SORCS1: variants seen among roughly 807,000 people sequenced by gnomAD.
SORCS1 encodes the protein sortilin related VPS10 domain containing receptor 1.
In SORCS1, 60 loss-of-function variants were observed where a neutral mutation model predicts 146.1. The ratio of observed to expected loss-of-function variants is 0.41; its 90% CI spans 0.33 to 0.51. The LOEUF is 0.51. SORCS1 is among the 20% of genes least tolerant of loss of function. SORCS1 has a pLI of 0.21. For synonymous variants in SORCS1, 637 were observed against 584.0 expected, an observed-to-expected ratio of 1.09 and a Z score of -1.31; for missense variants, 1,352 against 1,487.6, an observed-to-expected ratio of 0.91 and a Z score of 1.50.
chr10:106,844,455 A>G (rs903937705), intron 2 of SORCS1, among the ~76,000 whole-genome samples: 1 of 151,926 alleles, frequency 6.6e-6, no homozygotes, highest in African/African-American at 2.4e-5. Context: ...CTTATGTTTA[A>G]GTTTTTACTC....
At chr10:107,181,028 ATAT>A in the SORCS1 span, among the ~76,000 whole-genome samples, 1 of 152,334 alleles carries the variant, frequency 6.6e-6, no homozygotes, top group South Asian at 2.1e-4. Context: ...ACTGTATAAA[ATAT>A]TATAAAATAG....
At chr10:107,139,316 T>A (rs1590220977) in intron 1 of SORCS1, among the ~76,000 whole-genome samples, 3 of 152,230 alleles carry the variant, frequency 2.0e-5, no homozygotes, top group African/African-American at 2.4e-5. Flanking sequence ...CATGTTGATA[T>A]AAGATTGGCT....
intron 2 of SORCS1, among the ~76,000 whole-genome samples, chr10:106,931,800 C>T (rs912453744): frequency 7.2e-5 from 11 of 152,112 alleles, no homozygotes; most frequent in Admixed American, 3.3e-4. Context: ...TTCATTTTTC[C>T]TGCCTGCCAT....
intron 3 of SORCS1, among the ~76,000 whole-genome samples, chr10:106,794,854 G>T (rs1004632945): frequency 6.6e-6 from 1 of 152,064 alleles, no homozygotes; most frequent in Non-Finnish European, 1.5e-5. Context: ...AGACTCCCTA[G>T]TCACTCCATT....
intron 1 of SORCS1, among the ~76,000 whole-genome samples, chr10:107,117,792 T>C (rs376124135): frequency 6.6e-6 from 1 of 152,148 alleles, no homozygotes; most frequent in African/African-American, 2.4e-5. Context: ...TGGAAGCACA[T>C]AATATGTTTT....
chr10:107,167,501 G>A (rs575970671), upstream of SORCS1, among the ~76,000 whole-genome samples: 69 of 152,190 alleles, frequency 4.5e-4, no homozygotes, highest in Non-Finnish European at 8.7e-4. Context: ...CTTCATCTAA[G>A]TTATCATCAT....
intron 4 of SORCS1, among the ~76,000 whole-genome samples, chr10:106,768,103 C>T (rs904192339): frequency 1.3e-5 from 2 of 152,160 alleles, no homozygotes; most frequent in African/African-American, 4.8e-5. Context: ...TCCTTGTTTG[C>T]ATATGATGGC....
chr10:106,665,775 C>T lies in SORCS1; in HGVS notation c.2303+1914G>A, dbSNP rs141719068. ...CACCTATGATGGGTAACTTAATATG[C>T]GAACTTGACTGCGCCATAGTATGCC... is the stretch of plus-strand genomic sequence containing the variant. On this transcript the variant is annotated intron_variant, in intron 17 of 25. Coordinates refer to ENST00000263054, the MANE Select transcript of SORCS1 (RefSeq NM_052918.5). Among the ~76,000 whole-genome samples the T allele has an allele frequency of 6.7e-4, 102 of 152,138 alleles. 1 individual carries two copies. Among genetic ancestry groups the T allele is most frequent in the African/African-American group, 2.1e-3 (86 of 41,496 alleles).
At chr10:107,024,390 C>T (rs891032205) in intron 1 of SORCS1, among the ~76,000 whole-genome samples, 2 of 152,006 alleles carry the variant, frequency 1.3e-5, no homozygotes, top group African/African-American at 2.4e-5. Flanking sequence ...ACAACCAGCT[C>T]TCATGGAAAC....
At position 107,158,876 on chromosome 10, in the gene SORCS1, A is replaced by G. The variant is rs1331669022; in HGVS notation, c.558+5093T>C. 2.6e-5 allele frequency among the ~76,000 whole-genome samples: 4 copies of G among 152,134 alleles called. No homozygotes were observed. In the East Asian group the frequency reaches 7.7e-4, roughly 29 times the overall value. ...TGTATCTGCTTTTTTGCCCTATCCT[A>G]TGAACTTCTAAGGTCTCTCTTTAAA... On this transcript the variant is annotated intron_variant, in intron 1 of 25. Coordinates refer to ENST00000263054, the MANE Select transcript of SORCS1 (RefSeq NM_052918.5).
At chr10:106,825,803 C>T (rs1948277881) in intron 3 of SORCS1, among the ~76,000 whole-genome samples, 1 of 152,168 alleles carries the variant, frequency 6.6e-6, no homozygotes, top group African/African-American at 2.4e-5. Flanking sequence ...TCTCCTCTGG[C>T]ACTGGGACCA....
At chr10:107,047,915 T>TA (rs550354714) in intron 1 of SORCS1, among the ~76,000 whole-genome samples, 11 of 148,256 alleles carry the variant, frequency 7.4e-5, no homozygotes, top group South Asian at 2.1e-4. Flanking sequence ...ACCCTGTCTC[T>TA]AAAAAAAAAA....
At position 107,060,847 on chromosome 10, in the gene SORCS1, T is replaced by A. The variant is rs1247452561; in HGVS notation, c.558+103122A>T. Among the ~76,000 whole-genome samples, 2 of 152,218 alleles carry A rather than the reference T, an allele frequency of 1.3e-5. No individual in the cohort carries two copies. Among genetic ancestry groups the A allele is most frequent in the East Asian group, 3.8e-4 (2 of 5,198 alleles). On this transcript the variant is annotated intron_variant, in intron 1 of 25. Coordinates refer to ENST00000263054, the MANE Select transcript of SORCS1 (RefSeq NM_052918.5). This position sits in a 1 kb window ranked among gnomAD's most constrained non-coding sequence, Gnocchi z 4.1. ...GAGCTTTAAAAAATCATATTTTAGT[T>A]AATTTTATTGAATCACAAGCCTCTA...
At chr10:106,862,295 G>A (rs1465045351) in intron 2 of SORCS1, among the ~76,000 whole-genome samples, 2 of 152,118 alleles carry the variant, frequency 1.3e-5, no homozygotes, top group African/African-American at 4.8e-5. Context: ...CATCCTGTCT[G>A]TTTTCTACTT....
chr10:106,583,952 G>A (rs1234247962), intron 24 of SORCS1, among the ~76,000 whole-genome samples: 1 of 152,152 alleles, frequency 6.6e-6, no homozygotes, highest in Non-Finnish European at 1.5e-5. Flanking sequence ...GACATTCCTG[G>A]AGAACTGCTA....
Position 106,629,230 on chromosome 10 carries a change from G to T in SORCS1, c.2634C>A (p.Asp878Glu). 1 of 1,614,012 alleles carries T rather than the reference G, an allele frequency of 6.2e-7. No individual in the cohort carries two copies. Among genetic ancestry groups the T allele is most frequent in the Non-Finnish European group, 8.5e-7 (1 of 1,179,950 alleles). ...TVQVDNSLGS[D>E]SAVLYLHVTC... ...TTACATGTAAGTACAGGACGGCGCT[G>T]TCAGAACCCAGACTGTTGTCCACCT... The change falls in exon 19 of 26, where the codon GAC (aspartate) becomes GAA (glutamate). Residue 878 changes from aspartate (D) to glutamate (E), a missense_variant. Asp to Glu is a conservative substitution (Grantham distance 45). Coordinates refer to ENST00000263054, the MANE Select transcript of SORCS1 (RefSeq NM_052918.5).
intron 2 of SORCS1, among the ~76,000 whole-genome samples, chr10:106,955,208 C>T (rs184748706): frequency 5.6e-4 from 85 of 152,370 alleles, no homozygotes; most frequent in Non-Finnish European, 9.7e-4. Flanking sequence ...CTGTGTTATG[C>T]TGTAACACCC....
At chr10:106,741,128 C>G (rs970697545) in intron 5 of SORCS1, among the ~76,000 whole-genome samples, 6 of 152,172 alleles carry the variant, frequency 3.9e-5, no homozygotes, top group African/African-American at 1.2e-4. Context: ...GCCCAGGCTT[C>G]CAGAGAGCAA....
intron 24 of SORCS1, among the ~76,000 whole-genome samples, chr10:106,581,434 A>G (rs1169665557): frequency 6.6e-6 from 1 of 152,136 alleles, no homozygotes; most frequent in Admixed American, 6.6e-5. Context: ...GACTAAGACT[A>G]TAGCACAAAA....
Sources: gnomAD v4.1 joint callset for allele counts (sites outside exome capture counted in the v4.1 genomes callset) on GRCh38, gnomAD v4.1.1 for gene constraint, Gnocchi (gnomAD v3.1) non-coding constraint, MANE v1.5 for transcripts, NCBI Gene and HGNC (gene_info 2026-07-23, HGNC 2026-07-21) for gene names.